The following VWC2L variants were observed in gnomAD, a reference collection of about 807,000 sequenced individuals.
VWC2L encodes the protein von Willebrand factor C domain-containing protein 2-like.
Under a neutral mutation model 21.6 loss-of-function variants are expected in VWC2L, and 10 were observed. That is an observed-to-expected ratio of 0.46 (90% CI 0.29 to 0.78). VWC2L has a LOEUF of 0.78. Among genes scored for constraint, VWC2L ranks in the 30% least tolerant of loss-of-function variants. VWC2L has a pLI of 0.10. For missense variants in VWC2L, 209 were observed against 277.1 expected (o/e 0.75, Z 1.74); for synonymous variants, 96 against 94.3 (o/e 1.02, Z -0.10).
intron 2 of VWC2L, among the ~76,000 whole-genome samples, chr2:214,432,508 G>A (rs1702615347): frequency 6.6e-6 from 1 of 152,100 alleles, no homozygotes; most frequent in Non-Finnish European, 1.5e-5. Flanking sequence ...TGGGTTCGTT[G>A]CTTTTCATTC....
chr2:214,531,394 T>C (rs1042054755), intron 3 of VWC2L, among the ~76,000 whole-genome samples: 1 of 152,202 alleles, frequency 6.6e-6, no homozygotes, highest in African/African-American at 2.4e-5. Flanking sequence ...TCTTCCTTAG[T>C]ACAGGAGTCC....
chr2:214,476,086 A>G (rs1392306681), intron 3 of VWC2L, among the ~76,000 whole-genome samples: 2 of 152,158 alleles, frequency 1.3e-5, no homozygotes. Flanking sequence ...CCATTTTCTC[A>G]TGTGTTATCC....
At chr2:214,545,241 G>T (rs1689687123) in intron 3 of VWC2L, among the ~76,000 whole-genome samples, 1 of 152,086 alleles carries the variant, frequency 6.6e-6, no homozygotes, top group Admixed American at 6.6e-5. Context: ...AATCTACAAG[G>T]TACTTTAGGA....
chr2:214,438,713 T>C (rs1323062940), intron 3 of VWC2L, among the ~76,000 whole-genome samples: 1 of 152,078 alleles, frequency 6.6e-6, no homozygotes. Context: ...TAATTTGATG[T>C]CGCCCAAGAT....
intron 3 of VWC2L, among the ~76,000 whole-genome samples, chr2:214,471,398 C>T (rs528594677): frequency 5.3e-5 from 8 of 152,238 alleles, no homozygotes; most frequent in Non-Finnish European, 7.4e-5. Flanking sequence ...CTGTTTTATG[C>T]ACTGTAGAAT....
At chr2:214,560,393 G>C (rs547558873) in intron 3 of VWC2L, among the ~76,000 whole-genome samples, 167 of 152,242 alleles carry the variant, frequency 1.1e-3, no homozygotes, top group Non-Finnish European at 1.8e-3. Flanking sequence ...TCTGTCTGTA[G>C]TAATGTTCCA....
intron 2 of VWC2L, among the ~76,000 whole-genome samples, chr2:214,433,530 A>G (rs1206220339): frequency 1.3e-5 from 2 of 152,234 alleles, no homozygotes; most frequent in East Asian, 1.9e-4. Flanking sequence ...TTACAGGGAC[A>G]TTTTCAGGTT....
At chr2:214,500,479 G>A (rs1688876809) in intron 3 of VWC2L, among the ~76,000 whole-genome samples, 1 of 152,132 alleles carries the variant, frequency 6.6e-6, no homozygotes. Flanking sequence ...TATGGCTACT[G>A]CAACTCTAAC....
At chr2:214,457,684 G>A (rs1294351552) in intron 3 of VWC2L, among the ~76,000 whole-genome samples, 1 of 152,074 alleles carries the variant, frequency 6.6e-6, no homozygotes, top group African/African-American at 2.4e-5. Context: ...TTTTTATCAT[G>A]AATGGATGTT....
chr2:214,444,095 G>A (rs1209009562), intron 3 of VWC2L, among the ~76,000 whole-genome samples: 2 of 151,948 alleles, frequency 1.3e-5, no homozygotes, highest in Non-Finnish European at 2.9e-5. Flanking sequence ...ATGATGCAGA[G>A]GTATCAATAA....
chr2:214,557,741 C>T (rs190902652), intron 3 of VWC2L, among the ~76,000 whole-genome samples: 209 of 152,234 alleles, frequency 1.4e-3, no homozygotes, highest in East Asian at 2.3e-3. Flanking sequence ...ATTTCAGCTC[C>T]TAGTGCCTAT....
chr2:214,509,074 G>T (rs909001768), intron 3 of VWC2L, among the ~76,000 whole-genome samples: 2 of 152,012 alleles, frequency 1.3e-5, no homozygotes, highest in African/African-American at 4.8e-5. Context: ...TCACTGAATT[G>T]CCAGAGTTCC....
intron 3 of VWC2L, among the ~76,000 whole-genome samples, chr2:214,477,923 GA>G (rs1166592302): frequency 1.3e-5 from 2 of 152,020 alleles, no homozygotes; most frequent in East Asian, 1.9e-4. Context: ...CAGAGATTAT[GA>G]AAAAAAACTT....
chr2:214,501,303 C>T (rs1049692268), intron 3 of VWC2L, among the ~76,000 whole-genome samples: 10 of 152,118 alleles, frequency 6.6e-5, no homozygotes, highest in Non-Finnish European at 1.5e-4. Flanking sequence ...GAAACCTGAG[C>T]CATAGGAAGG....
intron 3 of VWC2L, among the ~76,000 whole-genome samples, chr2:214,477,761 A>G (rs531068926): frequency 8.5e-5 from 13 of 152,346 alleles, no homozygotes; most frequent in African/African-American, 3.1e-4. Context: ...ATATTATACA[A>G]TTGAAGTCTT....
chr2:214,578,440 T>C lies in VWC2L; in HGVS notation c.*2620T>C, dbSNP rs1690266776. The C allele has an allele frequency of 6.6e-6, 1 of 152,210 alleles. No individual in the cohort carries two copies. The highest frequency in any genetic ancestry group is 2.4e-5 in the African/African-American group (1 of 41,464). 9.4% of individuals were successfully genotyped at this position (152,210 alleles called of 1,614,324 possible). ...AGCTAGAGAGAGGGATTTTTATGGTTGGTTTTGTTGTTGTTGGATTTTCTT... is the reference window on the plus strand; with the variant it reads ...AGCTAGAGAGAGGGATTTTTATGGTCGGTTTTGTTGTTGTTGGATTTTCTT... On this transcript the variant is annotated 3_prime_UTR_variant, in exon 4 of 4. Coordinates refer to ENST00000312504, the MANE Select transcript of VWC2L (RefSeq NM_001080500.4).
chr2:214,555,716 C>G (rs1689863177), intron 3 of VWC2L, among the ~76,000 whole-genome samples: 1 of 152,158 alleles, frequency 6.6e-6, no homozygotes, highest in Non-Finnish European at 1.5e-5. Flanking sequence ...AACTCATTTT[C>G]ACAAGCAAGA....
At chr2:214,447,340 A>G (rs1367561597) in intron 3 of VWC2L, among the ~76,000 whole-genome samples, 1 of 152,112 alleles carries the variant, frequency 6.6e-6, no homozygotes, top group African/African-American at 2.4e-5. Context: ...GAGCCCAGAC[A>G]TCCATGTATC....
intron 2 of VWC2L, among the ~76,000 whole-genome samples, chr2:214,422,134 C>T (rs1325358619): frequency 2.0e-5 from 3 of 151,572 alleles, no homozygotes; most frequent in Admixed American, 1.3e-4. Flanking sequence ...GTGATCCGCC[C>T]GTCTCGGCCT....
Sources: allele counts gnomAD v4.1 joint callset (sites outside exome capture counted in the v4.1 genomes callset), GRCh38; gene constraint gnomAD v4.1.1; transcripts MANE v1.5; gene names NCBI Gene and HGNC (gene_info 2026-07-23, HGNC 2026-07-21).